Variants in GLRA2 observed in about 807,000 individuals in gnomAD.
GLRA2 encodes glycine receptor alpha 2, also known as glycine receptor subunit alpha-2.
Under a neutral mutation model 31.6 loss-of-function variants are expected in GLRA2, and 11 were observed. That is an observed-to-expected ratio of 0.35 (90% confidence interval 0.22 to 0.58). GLRA2 has a LOEUF of 0.58. Among genes scored for constraint, GLRA2 ranks in the 20% least tolerant of loss-of-function variants. GLRA2 has a pLI of 0.84. For missense variants in GLRA2, 212 were observed against 351.8 expected, an observed-to-expected ratio of 0.60 and a Z score of 3.18; for synonymous variants, 132 against 134.0, an observed-to-expected ratio of 0.99 and a Z score of 0.10.
chrX:14,620,839 T>C (rs1190445025), intron 7 of GLRA2, among the ~76,000 whole-genome samples: 2 of 111,489 alleles, frequency 1.8e-5, no homozygotes, highest in African/African-American at 3.3e-5. Context: ...TAATCCACTT[T>C]TCAAGAGCCA....
chrX:14,586,113 C>T lies in GLRA2; in HGVS notation c.494+4707C>T, dbSNP rs183300080. Reference sequence around the variant, plus strand: ...CAGTCCACTGATTTCATAACAAGCACGATCACCTTTCCTAATACTTCATAT... The same window carrying T: ...CAGTCCACTGATTTCATAACAAGCATGATCACCTTTCCTAATACTTCATAT... On this transcript the variant is annotated intron_variant, in intron 4 of 8. Coordinates refer to ENST00000218075, the MANE Select transcript of GLRA2 (RefSeq NM_002063.4). Among the ~76,000 whole-genome samples the T allele has an allele frequency of 7.7e-4, 86 of 111,297 alleles. 1 individual carries two copies. The highest frequency in any genetic ancestry group is 1.8e-3 in the African/African-American group (56 of 30,687).
chrX:14,484,664 G>A, the GLRA2 span, among the ~76,000 whole-genome samples: 3 of 111,879 alleles, frequency 2.7e-5, no homozygotes, highest in African/African-American at 9.7e-5. Context: ...TTAATTTGGT[G>A]TTGATAATGT....
chrX:14,483,230 G>A, the GLRA2 span, among the ~76,000 whole-genome samples: 1 of 111,532 alleles, frequency 9.0e-6, no homozygotes, highest in Non-Finnish European at 1.9e-5. Context: ...CTCTTGTCAC[G>A]CACCCTTTGT....
At chrX:14,571,008 A>T (rs1201664779) in intron 2 of GLRA2, among the ~76,000 whole-genome samples, 2 of 110,751 alleles carry the variant, frequency 1.8e-5, no homozygotes, top group African/African-American at 6.6e-5. Flanking sequence ...TTCTCATAAG[A>T]ATAAGAGAAA....
At chrX:14,458,291 T>A in the GLRA2 span, among the ~76,000 whole-genome samples, 3 of 111,872 alleles carry the variant, frequency 2.7e-5, no homozygotes, top group Non-Finnish European at 5.6e-5. Flanking sequence ...TTTGGGTTGG[T>A]TCCAAGTCTT....
In GLRA2 at chrX:14,530,073, G is replaced by A; in HGVS notation, c.16G>A (p.Val6Met). ...AGAAACAGGAATGAACCGGCAGCTA[G>A]TGAACATTTTGACAGCCTTGTTTGC... MNRQL[V>M]NILTALFAFF... is the part of the protein sequence containing the mutation. Residue 6 changes from valine to methionine, a missense_variant, in exon 1 of 9, where the codon GTG (valine) becomes ATG (methionine). Around this residue, in one of 5 missense-constraint regions of GLRA2, gnomAD observed 33 missense variants for 27.7 expected, o/e 1.19. Coordinates refer to ENST00000218075, the MANE Select transcript of GLRA2 (RefSeq NM_002063.4). 8.3e-7 allele frequency: 1 copy of A among 1,202,917 alleles called. No individual in the cohort carries two copies. The highest frequency in any genetic ancestry group is 1.1e-6 in the Non-Finnish European group (1 of 887,302).
chrX:14,678,722 G>T (rs2091169708), intron 7 of GLRA2, among the ~76,000 whole-genome samples: 1 of 111,672 alleles, frequency 9.0e-6, no homozygotes, highest in Non-Finnish European at 1.9e-5. Flanking sequence ...TAATTTGAGA[G>T]CTTTGGAAAC....
At chrX:14,546,462 T>G (rs1290599647) in intron 2 of GLRA2, among the ~76,000 whole-genome samples, 1 of 111,348 alleles carries the variant, frequency 9.0e-6, no homozygotes, top group African/African-American at 3.3e-5. Flanking sequence ...GTGTATGAAT[T>G]TGTGACTTGG....
intron 7 of GLRA2, among the ~76,000 whole-genome samples, chrX:14,663,987 T>G (rs2091016277): frequency 9.0e-6 from 1 of 111,684 alleles, no homozygotes; most frequent in Admixed American, 9.5e-5. Flanking sequence ...GTCTAGCAGT[T>G]TAGTTTATTT....
the GLRA2 span, among the ~76,000 whole-genome samples, chrX:14,480,948 T>C: frequency 9.5e-6 from 1 of 105,197 alleles, no homozygotes; most frequent in East Asian, 3.6e-4. Context: ...ATGTCTTCAA[T>C]CTGTAGATTG....
chrX:14,457,230 C>G, the GLRA2 span, among the ~76,000 whole-genome samples: 1 of 111,399 alleles, frequency 9.0e-6, no homozygotes, highest in Non-Finnish European at 1.9e-5. Context: ...ACTTTAAGTT[C>G]TGGGTTACAT....
the GLRA2 span, among the ~76,000 whole-genome samples, chrX:14,456,132 T>A: frequency 9.0e-6 from 1 of 111,703 alleles, no homozygotes; most frequent in East Asian, 2.8e-4. Flanking sequence ...GAAGAAAGAA[T>A]CTTGAGAATT....
chrX:14,656,115 G>A (rs1187075715), intron 7 of GLRA2, among the ~76,000 whole-genome samples: 1 of 111,383 alleles, frequency 9.0e-6, no homozygotes, highest in Admixed American at 9.6e-5. Flanking sequence ...TTTGAAATAC[G>A]CTGGGCTACA....
chrX:14,468,994 C>G, the GLRA2 span, among the ~76,000 whole-genome samples: 2 of 110,506 alleles, frequency 1.8e-5, no homozygotes, highest in African/African-American at 6.6e-5. Context: ...TGTCCTTCGC[C>G]CACTTTTTGA....
chrX:14,561,355 T>C (rs1245238164), intron 2 of GLRA2, among the ~76,000 whole-genome samples: 1 of 112,674 alleles, frequency 8.9e-6, no homozygotes, highest in African/African-American at 3.2e-5. Context: ...TGTTGTTCTC[T>C]AGCCTCCTAG....
At chrX:14,455,901 G>A in the GLRA2 span, among the ~76,000 whole-genome samples, 6 of 111,685 alleles carry the variant, frequency 5.4e-5, no homozygotes, top group Non-Finnish European at 9.4e-5. Context: ...TAATGTTTGA[G>A]TTATATTCGT....
At chrX:14,622,796 C>T (rs1022928171) in intron 7 of GLRA2, among the ~76,000 whole-genome samples, 1 of 111,678 alleles carries the variant, frequency 9.0e-6, no homozygotes, top group African/African-American at 3.3e-5. Flanking sequence ...GTGATGCCTC[C>T]AGCTTTACTC....
At chrX:14,643,144 G>A (rs1209551839) in intron 7 of GLRA2, among the ~76,000 whole-genome samples, 1 of 111,731 alleles carries the variant, frequency 9.0e-6, no homozygotes, top group Non-Finnish European at 1.9e-5. Context: ...TGTTAGTTGT[G>A]TAACTGCAAA....
the GLRA2 span, among the ~76,000 whole-genome samples, chrX:14,479,129 A>G: frequency 9.0e-6 from 1 of 111,104 alleles, no homozygotes; most frequent in Non-Finnish European, 1.9e-5. Flanking sequence ...AAAAAAAGGC[A>G]AGTGGAGAAT....
Sources: allele counts gnomAD v4.1 joint callset (sites outside exome capture counted in the v4.1 genomes callset), GRCh38; gene constraint gnomAD v4.1.1; regional missense constraint gnomAD v4.1.1; transcripts MANE v1.5; gene names NCBI Gene and HGNC (gene_info 2026-07-23, HGNC 2026-07-21).